Variants in MAPKAPK5 observed in about 807,000 individuals in gnomAD.
The protein encoded by MAPKAPK5 is MAPK activated protein kinase 5, also known as MAP kinase-activated protein kinase 5.
A neutral mutation model predicts 65.1 loss-of-function variants in MAPKAPK5; 30 were observed. The observed-to-expected ratio is 0.46, with a 90% CI of 0.34 to 0.63. MAPKAPK5 has a LOEUF of 0.63. Ranked by LOEUF, MAPKAPK5 falls within the 20% of genes least tolerant of loss-of-function variation. MAPKAPK5 has a pLI of 0.01. For synonymous variants in MAPKAPK5, 179 were observed against 204.6 expected (o/e 0.87, Z 1.07); for missense variants, 433 against 581.4 (o/e 0.74, Z 2.63).
rs1173057931 is a variant in MAPKAPK5 at position 111,896,034 on chromosome 12, A to G, written c.*2973A>G. The stretch of plus-strand genomic sequence containing the variant: ...ATATTAGAACAACTGTAGTTTTCCT[A>G]TCTTAGGGCAGAGGTTCAGTATTCC... On this transcript the variant is annotated 3_prime_UTR_variant, in exon 14 of 14. Coordinates refer to ENST00000550735, the MANE Select transcript of MAPKAPK5 (RefSeq NM_003668.4). The G allele has an allele frequency of 6.6e-6, 1 of 152,164 alleles. No homozygotes were observed. The highest frequency in any genetic ancestry group is 1.5e-5 in the Non-Finnish European group (1 of 68,016). The allele number at this position is 152,164 out of a possible 1,614,324, so 9.4% of individuals were successfully genotyped here. A position where few individuals can be genotyped will look rare whatever the true frequency, so the allele number is the denominator to read the frequency against.
At chr12:111,885,804 A>T in intron 9 of MAPKAPK5, 112 bp from the exon 10 acceptor site, 1 of 1,384,190 alleles carries the variant, frequency 7.2e-7, no homozygotes, top group Non-Finnish European at 9.8e-7. Context: ...TGGAAAGCCC[A>T]GGCTTGCAGA....
In MAPKAPK5 at chr12:111,859,102, A is replaced by G. The variant is rs765680256; in HGVS notation, c.37-6148A>G. ...TCTCTTTTTCCTGAGCTTAGGTGAC[A>G]CTTTCCTGGTTTTTACAAGTCTAGT... On this transcript the variant is annotated intron_variant, in intron 1 of 13. Transcript: ENST00000550735. 8.8e-5 allele frequency among the ~76,000 whole-genome samples: 13 copies of G among 147,002 alleles called. 1 individual carries two copies. The highest frequency in any genetic ancestry group is 1.6e-4 in the Non-Finnish European group (11 of 66,828).
intron 1 of MAPKAPK5, among the ~76,000 whole-genome samples, chr12:111,856,687 G>A (rs2069251560): frequency 6.6e-6 from 1 of 152,062 alleles, no homozygotes; most frequent in Admixed American, 6.6e-5. Context: ...GGTTACAGGT[G>A]TGAGCCACTG....
At position 111,847,697 on chromosome 12, in the gene MAPKAPK5, T is replaced by C. The variant is rs563599382; in HGVS notation, c.36+4928T>C. 4.6e-5 allele frequency among the ~76,000 whole-genome samples: 7 copies of C among 152,294 alleles called. No individual in the cohort carries two copies. In the East Asian group the frequency reaches 1.2e-3, roughly 25 times the overall value. ...TAAATGTTCAGTAATTTTTAGTAAATTTATAGAGGCATGCAGCCATCATCA... is the reference window on the plus strand; with the variant it reads ...TAAATGTTCAGTAATTTTTAGTAAACTTATAGAGGCATGCAGCCATCATCA... On this transcript the variant is annotated intron_variant, in intron 1 of 13. Coordinates refer to ENST00000550735, the MANE Select transcript of MAPKAPK5 (RefSeq NM_003668.4).
chr12:111,853,385 A>T (rs1641895641), intron 1 of MAPKAPK5, among the ~76,000 whole-genome samples: 1 of 151,966 alleles, frequency 6.6e-6, no homozygotes, highest in African/African-American at 2.4e-5. Flanking sequence ...AAAAAAAAGA[A>T]TGGAATTGTT....
intron 11 of MAPKAPK5, 90 bp downstream of exon 11, chr12:111,888,708 A>G: frequency 6.4e-7 from 1 of 1,563,476 alleles, no homozygotes; most frequent in East Asian, 2.2e-5. Flanking sequence ...TTGCTCAGCT[A>G]GGGGTCTTTA....
intron 13 of MAPKAPK5, among the ~76,000 whole-genome samples, chr12:111,891,807 T>TAA (rs57996871): frequency 5.7e-4 from 81 of 141,134 alleles, no homozygotes; most frequent in South Asian, 2.0e-3. Context: ...ACTCCGTCTT[T>TAA]AAAAAAAAAA....
chr12:111,890,026 A>G lies in MAPKAPK5; in HGVS notation c.1217-14A>G. The G allele has an allele frequency of 6.5e-7, 1 of 1,540,356 alleles. No homozygotes were observed. Among genetic ancestry groups the G allele is most frequent in the Non-Finnish European group, 8.9e-7 (1 of 1,129,536 alleles). On this transcript the variant is annotated splice_polypyrimidine_tract_variant and intron_variant, in intron 12 of 13. Coordinates refer to ENST00000550735, the MANE Select transcript of MAPKAPK5 (RefSeq NM_003668.4). Reference sequence around the variant, plus strand: ...GCAGGAAAAATGCAAATTCCTCTTCATCCTTACCAATAGGAGAGAATGAAG... The same window carrying G: ...GCAGGAAAAATGCAAATTCCTCTTCGTCCTTACCAATAGGAGAGAATGAAG...
At chr12:111,878,544 C>T (rs568846354) in intron 7 of MAPKAPK5, among the ~76,000 whole-genome samples, 2 of 151,890 alleles carry the variant, frequency 1.3e-5, no homozygotes, top group Admixed American at 6.6e-5. Flanking sequence ...CTCAGCCTCC[C>T]GAGTAGCAGG....
At position 111,883,496 on chromosome 12, in the gene MAPKAPK5, A is replaced by C; in HGVS notation, c.661-85A>C. On this transcript the variant is annotated intron_variant, in intron 8 of 13. Transcript: ENST00000550735. This position sits in a 1 kb window ranked among gnomAD's most constrained non-coding sequence, Gnocchi z 4.8. ...TAGTTTATATCAGCCTATATATTGC[A>C]GGGGCTATTCCTGAGCCTGTCATGG... is the stretch of plus-strand genomic sequence containing the variant. 1 of 1,140,090 alleles carries C rather than the reference A, an allele frequency of 8.8e-7. No homozygotes were observed. The allele number at this position is 1,140,090 out of a possible 1,614,324, so 70.6% of individuals were successfully genotyped here. A position where few individuals can be genotyped will look rare whatever the true frequency, so the allele number is the denominator to read the frequency against.
At chr12:111,852,645 C>T (rs1350372925) in intron 1 of MAPKAPK5, among the ~76,000 whole-genome samples, 1 of 152,098 alleles carries the variant, frequency 6.6e-6, no homozygotes, top group Admixed American at 6.6e-5. Context: ...TCACGTTGTT[C>T]AAGGGTCAAG....
At chr12:111,887,997 A>G (rs948328445) in intron 10 of MAPKAPK5, 5 of 160,576 alleles carry the variant, frequency 3.1e-5, no homozygotes, top group African/African-American at 1.2e-4. Context: ...AGAGTTCCAG[A>G]CTCCATGACA....
chr12:111,842,706 T>G lies in MAPKAPK5; in HGVS notation c.-28T>G. 1 of 1,370,474 alleles carries G rather than the reference T, an allele frequency of 7.3e-7. No homozygotes were observed. Among genetic ancestry groups the G allele is most frequent in the Non-Finnish European group, 9.5e-7 (1 of 1,056,204 alleles). The allele number at this position is 1,370,474 out of a possible 1,614,324, so 84.9% of individuals were successfully genotyped here. On this transcript the variant is annotated 5_prime_UTR_variant, in exon 1 of 14. Transcript: ENST00000550735. ...ACAGGGCTGCTGAGCAGCCTCCGCCTCTCCCGGCTGTGGGGGCCCCACTGA... is the reference window on the plus strand; with the variant it reads ...ACAGGGCTGCTGAGCAGCCTCCGCCGCTCCCGGCTGTGGGGGCCCCACTGA...
At chr12:111,848,640 T>G (rs552650245) in intron 1 of MAPKAPK5, among the ~76,000 whole-genome samples, 128 of 152,110 alleles carry the variant, frequency 8.4e-4, no homozygotes, top group African/African-American at 3.0e-3. Flanking sequence ...CTTGAACTCC[T>G]GACCTCAGGT....
chr12:111,868,957 C>G (rs2069695371), intron 5 of MAPKAPK5, 96 bp downstream of exon 5: 1 of 906,106 alleles, frequency 1.1e-6, no homozygotes, highest in South Asian at 1.6e-5. Flanking sequence ...AAGAAAAGCT[C>G]TATTTGACTT....
intron 1 of MAPKAPK5, among the ~76,000 whole-genome samples, chr12:111,847,981 C>T (rs185028535): frequency 2.0e-5 from 3 of 152,278 alleles, no homozygotes; most frequent in East Asian, 3.9e-4. Context: ...TATTGCTTAT[C>T]CATTCTCAGT....
chr12:111,849,335 A>C (rs2068998905), intron 1 of MAPKAPK5, among the ~76,000 whole-genome samples: 1 of 149,602 alleles, frequency 6.7e-6, no homozygotes, highest in East Asian at 2.0e-4. Context: ...GGCTCACTGC[A>C]ACCTCCACCT....
Position 111,842,742 on chromosome 12 carries a change from G to A in MAPKAPK5, c.9G>A (p.Glu3=), listed in dbSNP as rs1286083576. 7.4e-7 allele frequency: 1 copy of A among 1,359,134 alleles called. No homozygotes were observed. The highest frequency in any genetic ancestry group is 9.5e-7 in the Non-Finnish European group (1 of 1,049,428). The allele number at this position is 1,359,134 out of a possible 1,614,324, so 84.2% of individuals were successfully genotyped here. A position where few individuals can be genotyped will look rare whatever the true frequency, so the allele number is the denominator to read the frequency against. Residue 3 remains glutamate, a synonymous_variant, in exon 1 of 14, where the codon GAG becomes GAA. Coordinates refer to ENST00000550735, the MANE Select transcript of MAPKAPK5 (RefSeq NM_003668.4). MS[E]ESDMDKAIKE... is the part of the protein sequence containing the mutation. Reference sequence around the variant, plus strand: ...TGGGGGCCCCACTGAGTATGTCGGAGGAGAGCGACATGGACAAAGCCATCA... The same window carrying A: ...TGGGGGCCCCACTGAGTATGTCGGAAGAGAGCGACATGGACAAAGCCATCA...
At chr12:111,859,764 G>C (rs7309505) in intron 1 of MAPKAPK5, among the ~76,000 whole-genome samples, 29,583 of 151,556 alleles carry the variant, frequency 0.2, 3,092 homozygotes, top group Middle Eastern at 0.27. Context: ...ATTCTCCTGG[G>C]TTAGCCTCCT....
Sources: allele counts gnomAD v4.1 joint callset (sites outside exome capture counted in the v4.1 genomes callset), GRCh38; gene constraint gnomAD v4.1.1; non-coding constraint Gnocchi (gnomAD v3.1); transcripts MANE v1.5; gene names NCBI Gene and HGNC (gene_info 2026-07-23, HGNC 2026-07-21).